Variants in DGKB observed in about 807,000 individuals in gnomAD.
DGKB encodes 90 kDa diacylglycerol kinase.
Under a neutral mutation model 114.3 loss-of-function variants are expected in DGKB, and 67 were observed. The observed-to-expected ratio is 0.59, with a 90% CI of 0.48 to 0.72. DGKB has a LOEUF of 0.72. Ranked by LOEUF, DGKB falls within the 30% of genes least tolerant of loss-of-function variation. The pLI is 0.00. For synonymous variants in DGKB, 398 were observed against 323.1 expected (o/e 1.23, Z -2.49); for missense variants, 907 against 975.2 (o/e 0.93, Z 0.93).
At chr7:14,785,096 A>G (rs1839688224) in intron 2 of DGKB, among the ~76,000 whole-genome samples, 1 of 152,192 alleles carries the variant, frequency 6.6e-6, no homozygotes, top group Non-Finnish European at 1.5e-5. Flanking sequence ...TCAACTAAAT[A>G]TCATGAACAA....
At chr7:14,909,691 C>T (rs947458894) in intron 1 of DGKB, among the ~76,000 whole-genome samples, 1 of 152,128 alleles carries the variant, frequency 6.6e-6, no homozygotes, top group Non-Finnish European at 1.5e-5. Flanking sequence ...AAATCAGTCA[C>T]TTTATTCCTC....
chr7:14,608,511 C>T (rs1265126176), intron 16 of DGKB, among the ~76,000 whole-genome samples: 4 of 151,996 alleles, frequency 2.6e-5, no homozygotes, highest in Admixed American at 2.0e-4. Flanking sequence ...TGGAAGAATT[C>T]CCCTTCAAAA....
chr7:14,599,742 GCATCTGGTAGC>G (rs1211516663), intron 17 of DGKB, among the ~76,000 whole-genome samples: 3 of 152,064 alleles, frequency 2.0e-5, no homozygotes, highest in Non-Finnish European at 4.4e-5. Context: ...ATTGTTCCTG[GCATCTGGTAGC>G]CATTGAATAA....
intron 20 of DGKB, among the ~76,000 whole-genome samples, chr7:14,535,778 G>A (rs1011440605): frequency 3.3e-5 from 5 of 151,988 alleles, no homozygotes; most frequent in Non-Finnish European, 7.4e-5. Context: ...AGTAGAGACG[G>A]GGTTTCACCA....
chr7:14,181,127 T>C (rs1368335550), intron 23 of DGKB, among the ~76,000 whole-genome samples: 1 of 152,194 alleles, frequency 6.6e-6, no homozygotes, highest in Non-Finnish European at 1.5e-5. Flanking sequence ...CATCAATTAG[T>C]CTTCATTGGA....
At chr7:14,753,891 GA>G (rs2128440200) in intron 4 of DGKB, 36 bp downstream of exon 4, 3 of 1,291,922 alleles carry the variant, frequency 2.3e-6, no homozygotes, top group East Asian at 5.0e-5. Context: ...AATAAAGAAA[GA>G]AAAGACAGAC....
chr7:14,222,894 A>G (rs1238644873), intron 23 of DGKB, among the ~76,000 whole-genome samples: 1 of 151,616 alleles, frequency 6.6e-6, no homozygotes, highest in African/African-American at 2.4e-5. Flanking sequence ...TCATTATTAA[A>G]TGTCCTTCTT....
chr7:14,567,879 T>A (rs1247012471), intron 20 of DGKB, among the ~76,000 whole-genome samples: 1 of 152,012 alleles, frequency 6.6e-6, no homozygotes, highest in Non-Finnish European at 1.5e-5. Flanking sequence ...AGTGCTGGGA[T>A]TAAAGGCGTG....
chr7:14,621,877 A>T (rs550157021), intron 14 of DGKB, among the ~76,000 whole-genome samples: 1 of 152,272 alleles, frequency 6.6e-6, no homozygotes, highest in South Asian at 2.1e-4. Context: ...GCTTATAAAT[A>T]CATGCAATAT....
intron 23 of DGKB, among the ~76,000 whole-genome samples, chr7:14,247,562 C>G (rs1420162341): frequency 6.6e-6 from 1 of 152,028 alleles, no homozygotes; most frequent in Non-Finnish European, 1.5e-5. Flanking sequence ...GAGGTGATAT[C>G]TCATTGTGAT....
intron 23 of DGKB, among the ~76,000 whole-genome samples, chr7:14,195,476 A>G (rs1784887422): frequency 6.6e-6 from 1 of 152,172 alleles, no homozygotes; most frequent in African/African-American, 2.4e-5. Flanking sequence ...ATGAAAAGCA[A>G]TACAAAGCAA....
chr7:14,700,990 A>G (rs1825067093), intron 7 of DGKB, among the ~76,000 whole-genome samples: 1 of 152,150 alleles, frequency 6.6e-6, no homozygotes, highest in Non-Finnish European at 1.5e-5. Context: ...CATGGTACTG[A>G]TCTGTGCACT....
intron 21 of DGKB, among the ~76,000 whole-genome samples, chr7:14,392,989 G>GTTTTTTTTTTT (rs776845811): frequency 2.9e-3 from 29 of 10,162 alleles, no homozygotes; most frequent in Non-Finnish European, 5.4e-3. Flanking sequence ...CCTGTTTTTT[G>GTTTTTTTTTTT]TTTTTGTTTT....
At chr7:14,307,664 A>G (rs1804707395) in intron 23 of DGKB, among the ~76,000 whole-genome samples, 1 of 152,212 alleles carries the variant, frequency 6.6e-6, no homozygotes, top group South Asian at 2.1e-4. Flanking sequence ...TGTAGTTAAT[A>G]TGAATAAAAG....
At chr7:14,472,003 C>T (rs1205088521) in intron 21 of DGKB, among the ~76,000 whole-genome samples, 1 of 152,084 alleles carries the variant, frequency 6.6e-6, no homozygotes, top group Non-Finnish European at 1.5e-5. Flanking sequence ...TTGAAATAAG[C>T]TGCGTGGATT....
At chr7:14,722,831 T>TA (rs1046757426) in intron 5 of DGKB, among the ~76,000 whole-genome samples, 44 of 151,700 alleles carry the variant, frequency 2.9e-4, no homozygotes, top group African/African-American at 6.8e-4. Flanking sequence ...AATAAATAAA[T>TA]AAAAATAAAA....
At chr7:14,160,350 T>C (rs574017812) in intron 25 of DGKB, among the ~76,000 whole-genome samples, 2 of 152,288 alleles carry the variant, frequency 1.3e-5, no homozygotes, top group East Asian at 1.9e-4. Context: ...TGTTTGCAGA[T>C]GACATGATTG....
At chr7:14,616,459 TA>T (rs1401058974) in intron 15 of DGKB, among the ~76,000 whole-genome samples, 1 of 151,702 alleles carries the variant, frequency 6.6e-6, no homozygotes, top group Non-Finnish European at 1.5e-5. Flanking sequence ...AATTGTGAAA[TA>T]ATATGTAAAA....
chr7:14,344,114 T>C (rs1343338555), intron 22 of DGKB, among the ~76,000 whole-genome samples: 2 of 150,702 alleles, frequency 1.3e-5, no homozygotes, highest in Non-Finnish European at 3.0e-5. Flanking sequence ...TTTGTGTGCA[T>C]ATATCATACA....
Sources: allele counts gnomAD v4.1 joint callset (sites outside exome capture counted in the v4.1 genomes callset), GRCh38; gene constraint gnomAD v4.1.1; transcripts MANE v1.5; gene names NCBI Gene and HGNC (gene_info 2026-07-23, HGNC 2026-07-21).